The following ADAR variants were observed in gnomAD, a reference collection of about 807,000 sequenced individuals.
ADAR encodes the protein adenosine deaminase RNA specific.
A neutral mutation model predicts 113.2 loss-of-function variants in ADAR; 41 were observed. The observed-to-expected ratio is 0.36, with a 90% CI of 0.28 to 0.47. The LOEUF is 0.47. Ranked by LOEUF, ADAR falls within the 20% of genes least tolerant of loss-of-function variation. The probability of loss-of-function intolerance (pLI) is 1.00; values close to 1 mark genes in which losing one functional copy is unlikely to be tolerated. For synonymous variants in ADAR, 605 were observed against 572.6 expected, an observed-to-expected ratio of 1.06 and a Z score of -0.81; for missense variants, 1,242 against 1,540.9, an observed-to-expected ratio of 0.81 and a Z score of 3.25.
upstream of ADAR, among the ~76,000 whole-genome samples, chr1:154,612,586 C>G (rs949482205): frequency 1.3e-5 from 2 of 151,966 alleles, no homozygotes; most frequent in African/African-American, 4.8e-5. Context: ...CTTGGCCTCC[C>G]AAAGTGCTGG....
chr1:154,627,914 A>ACCC, exon 1 of ADAR: 2 of 463,314 alleles, frequency 4.3e-6, no homozygotes, highest in South Asian at 1.5e-5. Context: ...TGCGGCCGCG[A>ACCC]CCCTCCCCCC....
At chr1:154,603,404 C>G (rs1698006579) in intron 1 of ADAR, among the ~76,000 whole-genome samples, 1 of 152,144 alleles carries the variant, frequency 6.6e-6, no homozygotes, top group African/African-American at 2.4e-5. Flanking sequence ...GGTACCCAGG[C>G]TCAGAAGGGA....
intron 1 of ADAR, among the ~76,000 whole-genome samples, chr1:154,621,130 A>G (rs1042732832): frequency 5.3e-5 from 8 of 152,252 alleles, no homozygotes; most frequent in African/African-American, 1.9e-4. Context: ...AAGAAAAAAT[A>G]TAAGTACAGT....
At chr1:154,613,661 T>C (rs1160979649) in intron 1 of ADAR, among the ~76,000 whole-genome samples, 1 of 152,066 alleles carries the variant, frequency 6.6e-6, no homozygotes, top group Non-Finnish European at 1.5e-5. Flanking sequence ...TCCCAGCACT[T>C]TGGGACACCG....
At chr1:154,605,454 G>GCA (rs1698135878) in intron 1 of ADAR, among the ~76,000 whole-genome samples, 1 of 146,494 alleles carries the variant, frequency 6.8e-6, no homozygotes, top group South Asian at 2.1e-4. Flanking sequence ...TTTTTTTATG[G>GCA]CACACACACA....
rs78833223 is a variant in ADAR at position 154,615,608 on chromosome 1, C to T, written c.-871+12247G>A. Among the ~76,000 whole-genome samples the T allele has an allele frequency of 6.6e-3, 999 of 151,902 alleles. 9 individuals are homozygous for T. Among genetic ancestry groups the T allele is most frequent in the African/African-American group, 0.023 (955 of 41,416 alleles). ...AAATTTTTTTTCGTAGAAATAGGGC[C>T]GCACTATGTTGCCCAGGCCAGTCAC... On this transcript the variant is annotated intron_variant, in intron 1 of 14. Transcript: ENST00000368471.
At chr1:154,602,656 TG>T in intron 1 of ADAR, 30 bp from the exon 2 acceptor site, 1 of 1,610,794 alleles carries the variant, frequency 6.2e-7, no homozygotes, top group Non-Finnish European at 8.5e-7. Context: ...AAAAAGAAAA[TG>T]AATTAGGGCT....
upstream of ADAR, chr1:154,608,329 CTTTTTTT>C (rs560819918): frequency 3.7e-6 from 1 of 270,954 alleles, no homozygotes; most frequent in African/African-American, 2.5e-5. Context: ...ACGGAAGGTA[CTTTTTTT>C]TTTTTTTTTG....
rs575735628 is a variant in ADAR at position 154,624,361 on chromosome 1, A to C, written c.-871+3494T>G. Among the ~76,000 whole-genome samples, 4 of 152,294 alleles carry C rather than the reference A, an allele frequency of 2.6e-5. No individual in the cohort carries two copies. The South Asian group carries it at 8.3e-4, about 32-fold the overall frequency. On this transcript the variant is annotated intron_variant, in intron 1 of 14. Coordinates refer to the ADAR transcript ENST00000368471. ...CTATTAAGTCTGATAAAGTCTGATA[A>C]AGATGGTGAAATAGGTAGCTTCAAG...
chr1:154,619,817 A>C (rs996599920), intron 1 of ADAR, among the ~76,000 whole-genome samples: 6 of 152,216 alleles, frequency 3.9e-5, no homozygotes, highest in Non-Finnish European at 8.8e-5. Context: ...GAGGATATGA[A>C]GCAAACTAGC....
Position 154,620,011 on chromosome 1 carries a change from G to T in ADAR, c.-871+7844C>A, listed in dbSNP as rs191781740. Among the ~76,000 whole-genome samples, 316 of 152,344 alleles carry T rather than the reference G, an allele frequency of 2.1e-3. 1 individual carries two copies. The highest frequency in any genetic ancestry group is 7.2e-3 in the African/African-American group (301 of 41,582). ...GGGGCTGGAGGATGGGGGAAAAGAGGAGTTGTTAATGAATATAGTTTTAGA... is the reference window on the plus strand; with the variant it reads ...GGGGCTGGAGGATGGGGGAAAAGAGTAGTTGTTAATGAATATAGTTTTAGA... On this transcript the variant is annotated intron_variant, in intron 1 of 14. Transcript: ENST00000368471.
Position 154,601,866 on chromosome 1 carries a change from A to G in ADAR, c.776T>C (p.Val259Ala). ...SAQAWNQHSGVVRPDSHSQGS... is the reference protein window; with the variant it reads ...SAQAWNQHSGAVRPDSHSQGS... ...TTGGCTATGACTGTCTGGTCTTACC[A>G]CTCCGCTGTGCTGGTTCCAAGCCTG... Residue 259 changes from valine to alanine, a missense_variant, in exon 2 of 15, where the codon GTG becomes GCG. Around this residue, in one of 2 missense-constraint regions of ADAR, gnomAD observed 462 missense variants for 483.1 expected, o/e 0.96. Coordinates refer to ENST00000368474, the MANE Select transcript of ADAR (RefSeq NM_001111.5). This position sits in a 1 kb window ranked among gnomAD's most constrained non-coding sequence, Gnocchi z 4.7. 2 of 1,614,104 alleles carry G rather than the reference A, an allele frequency of 1.2e-6. No individual in the cohort carries two copies. The highest frequency in any genetic ancestry group is 1.7e-6 in the Non-Finnish European group (2 of 1,180,014).
intron 6 of ADAR, 70 bp downstream of exon 6, chr1:154,596,735 C>T (rs1697522055): frequency 1.3e-6 from 2 of 1,578,598 alleles, no homozygotes; most frequent in Non-Finnish European, 1.7e-6. Context: ...AAAGCACACC[C>T]TTGTTTTCCC....
chr1:154,601,068 T>C lies in ADAR; in HGVS notation c.1574A>G (p.Glu525Gly), dbSNP rs773622937. The C allele has an allele frequency of 6.2e-7, 1 of 1,614,206 alleles. No homozygotes were observed. The highest frequency in any genetic ancestry group is 8.5e-7 in the Non-Finnish European group (1 of 1,180,030). ...AGGTTCATGGGGTGGTCCACTCTGC[T>C]CTATCATGTTGAACTCACAGGTTTG... ...ASQTCEFNMI[E>G]QSGPPHEPRF... The change falls in exon 2 of 15, where the codon GAG becomes GGG. Residue 525 changes from glutamate to glycine, a missense_variant. Glu to Gly is a moderately conservative substitution (Grantham distance 98). Around this residue, in one of 2 missense-constraint regions of ADAR, gnomAD observed 780 missense variants for 1,057.9 expected, o/e 0.74. Coordinates refer to ENST00000368474, the MANE Select transcript of ADAR (RefSeq NM_001111.5). This position sits in a 1 kb window ranked among gnomAD's most constrained non-coding sequence, Gnocchi z 4.7.
At chr1:154,612,670 T>C (rs149574144), upstream of ADAR, among the ~76,000 whole-genome samples, 1,069 of 152,158 alleles carry the variant, frequency 7.0e-3, 6 homozygotes, top group South Asian at 0.023. Flanking sequence ...TTAGAATAAC[T>C]CTTAGGAAAT....
At chr1:154,617,874 G>A (rs1571146408) in intron 1 of ADAR, among the ~76,000 whole-genome samples, 1 of 151,588 alleles carries the variant, frequency 6.6e-6, no homozygotes, top group East Asian at 1.9e-4. Context: ...ACAAAAATAA[G>A]AGATAAACTA....
At chr1:154,616,070 G>A (rs80140207) in intron 1 of ADAR, among the ~76,000 whole-genome samples, 1,584 of 152,238 alleles carry the variant, frequency 0.01, 25 homozygotes, top group African/African-American at 0.036. Context: ...GCAATTAAGG[G>A]GGGAGGGGGA....
rs1379972914 is a variant in ADAR at position 154,582,567 on chromosome 1, A to G, written c.*2239T>C. 1 of 152,208 alleles carries G rather than the reference A, an allele frequency of 6.6e-6. No individual in the cohort carries two copies. Among genetic ancestry groups the G allele is most frequent in the African/African-American group, 2.4e-5 (1 of 41,410 alleles). The allele number at this position is 152,208 out of a possible 1,614,324, so 9.4% of individuals were successfully genotyped here. The stretch of plus-strand genomic sequence containing the variant: ...GGATGCCTCGCTCTCTTCCTACAAC[A>G]GAAACTGAATACTACAGGCTTGCTA... On this transcript the variant is annotated 3_prime_UTR_variant, in exon 15 of 15. Coordinates refer to ENST00000368474, the MANE Select transcript of ADAR (RefSeq NM_001111.5).
chr1:154,605,626 C>CA (rs1698146475), intron 1 of ADAR, among the ~76,000 whole-genome samples: 1 of 152,162 alleles, frequency 6.6e-6, no homozygotes, highest in African/African-American at 2.4e-5. Context: ...ACCTCTCTAG[C>CA]ACTTGGCACA....
Sources: gnomAD v4.1 joint callset for allele counts (sites outside exome capture counted in the v4.1 genomes callset) on GRCh38, gnomAD v4.1.1 for gene constraint, gnomAD v4.1.1 regional missense constraint, Gnocchi (gnomAD v3.1) non-coding constraint, MANE v1.5 for transcripts, NCBI Gene and HGNC (gene_info 2026-07-23, HGNC 2026-07-21) for gene names.